SYNPO: variants seen among roughly 807,000 people sequenced by gnomAD.
SYNPO encodes the protein synaptopodin.
Under a neutral mutation model 49.5 loss-of-function variants are expected in SYNPO, and 19 were observed. The observed-to-expected ratio is 0.38, with a 90% CI of 0.27 to 0.56. The LOEUF (loss-of-function observed/expected upper bound fraction) is 0.56. Ranked by LOEUF, SYNPO falls within the 20% of genes least tolerant of loss-of-function variation. SYNPO has a pLI of 0.68. For missense variants in SYNPO, 1,131 were observed against 1,248.3 expected, an observed-to-expected ratio of 0.91 and a Z score of 1.42; for synonymous variants, 536 against 548.0, an observed-to-expected ratio of 0.98 and a Z score of 0.31.
At chr5:150,646,608 C>T (rs999850537) in intron 1 of SYNPO, among the ~76,000 whole-genome samples, 1 of 151,862 alleles carries the variant, frequency 6.6e-6, no homozygotes, top group African/African-American at 2.4e-5. Flanking sequence ...ATCTGTAGTC[C>T]CAGCTACTTG....
chr5:150,641,324 A>AG (rs1017719552), intron 1 of SYNPO, among the ~76,000 whole-genome samples: 1 of 152,104 alleles, frequency 6.6e-6, no homozygotes, highest in African/African-American at 2.4e-5. Flanking sequence ...TGACCTCACC[A>AG]GGGGGGCAGT....
chr5:150,648,268 G>A lies in SYNPO; in HGVS notation c.-8G>A, dbSNP rs770958059. ...CAGAGCCCCGACAGAGGGGTCCCTG[G>A]CCACAGCATGGAGGGGTACTCAGAG... On this transcript the variant is annotated 5_prime_UTR_variant, in exon 2 of 3. Coordinates refer to ENST00000307662, the MANE Select transcript of SYNPO (RefSeq NM_007286.6). This position sits in a 1 kb window ranked among gnomAD's most constrained non-coding sequence, Gnocchi z 5.0. 3.4e-5 allele frequency: 55 copies of A among 1,614,070 alleles called. 1 individual carries two copies. The highest frequency in any genetic ancestry group is 4.2e-5 in the Non-Finnish European group (50 of 1,180,026).
At chr5:150,637,358 C>G (rs2151395533), upstream of SYNPO, among the ~76,000 whole-genome samples, 1 of 152,312 alleles carries the variant, frequency 6.6e-6, no homozygotes, top group Middle Eastern at 3.4e-3. Context: ...TAATGGTACT[C>G]CCTAACTCAC....
intron 2 of SYNPO, among the ~76,000 whole-genome samples, chr5:150,631,296 CAG>C (rs891319258): frequency 1.3e-5 from 2 of 152,278 alleles, no homozygotes; most frequent in East Asian, 3.9e-4. Context: ...AGGGAAGAGG[CAG>C]AGAGTGTTGT....
chr5:150,633,046 G>A (rs954066830), intron 2 of SYNPO, among the ~76,000 whole-genome samples: 7 of 152,188 alleles, frequency 4.6e-5, no homozygotes, highest in African/African-American at 1.7e-4. Flanking sequence ...GTTAGGACTA[G>A]GAAAGAGCTG....
intron 2 of SYNPO, among the ~76,000 whole-genome samples, chr5:150,633,118 A>G (rs1203996321): frequency 5.9e-5 from 9 of 152,174 alleles, no homozygotes; most frequent in Admixed American, 3.3e-4. Context: ...CACATATTAC[A>G]TGCTGTAGGT....
chr5:150,651,893 G>A (rs1401227446), intron 2 of SYNPO: 6 of 1,000,376 alleles, frequency 6.0e-6, no homozygotes, highest in Non-Finnish European at 7.2e-6. Context: ...TTTGTGGGGG[G>A]TGAGAGAATA....
chr5:150,603,245 G>A (rs745909673), intron 1 of SYNPO, among the ~76,000 whole-genome samples: 20 of 152,256 alleles, frequency 1.3e-4, no homozygotes, highest in Non-Finnish European at 2.6e-4. Flanking sequence ...GTGGGTAGGC[G>A]AGAGGCCACC....
chr5:150,608,876 C>G (rs1004600109), intron 1 of SYNPO, among the ~76,000 whole-genome samples: 1 of 152,182 alleles, frequency 6.6e-6, no homozygotes, highest in Non-Finnish European at 1.5e-5. Context: ...GGCACCAGCT[C>G]CGGTAGCCCT....
chr5:150,651,361 T>G (rs1307674902), intron 2 of SYNPO: 1 of 1,000,356 alleles, frequency 1.0e-6, no homozygotes, highest in Non-Finnish European at 1.2e-6. Flanking sequence ...TGGGCCTCAG[T>G]TTTATCATTT....
chr5:150,632,585 T>C (rs1757576829), intron 2 of SYNPO, among the ~76,000 whole-genome samples: 1 of 152,164 alleles, frequency 6.6e-6, no homozygotes, highest in South Asian at 2.1e-4. Context: ...TGCCATCTGC[T>C]CACCCCCTGA....
Position 150,649,953 on chromosome 5 carries a change from A to C in SYNPO, c.1678A>C (p.Thr560Pro). The C allele has an allele frequency of 6.2e-7, 1 of 1,612,404 alleles. No homozygotes were observed. The highest frequency in any genetic ancestry group is 1.1e-5 in the South Asian group (1 of 91,066). Residue 560 changes from threonine (T) to proline (P), a missense_variant, in exon 2 of 3, where the codon ACC (threonine) becomes CCC (proline). This residue lies in a region of SYNPO where 602 missense variants were observed against 720.7 expected (regional missense o/e 0.84). Transcript: ENST00000307662. ...GAACGGGGTCCTGCGCCCAGAGCCC[A>C]CCAAGCAGCCGCCATACCAGCTGCG... The part of the protein sequence containing the change: ...PENGVLRPEP[T>P]KQPPYQLRPS...
upstream of SYNPO, among the ~76,000 whole-genome samples, chr5:150,597,400 C>T (rs992621768): frequency 1.3e-5 from 2 of 152,118 alleles, no homozygotes; most frequent in African/African-American, 2.4e-5. Flanking sequence ...GGTGCAATCT[C>T]GGCTCACCGC....
chr5:150,610,749 G>A (rs1756823408), intron 1 of SYNPO, among the ~76,000 whole-genome samples: 1 of 152,116 alleles, frequency 6.6e-6, no homozygotes, highest in South Asian at 2.1e-4. Flanking sequence ...TTACAGTGAG[G>A]AGATGCTCTA....
intron 1 of SYNPO, among the ~76,000 whole-genome samples, chr5:150,604,239 C>T (rs960844189): frequency 3.3e-5 from 5 of 152,158 alleles, no homozygotes; most frequent in Non-Finnish European, 5.9e-5. Context: ...GACCAGGGAG[C>T]GGGAGGTGGC....
At chr5:150,646,286 C>T (rs1425382887) in intron 1 of SYNPO, among the ~76,000 whole-genome samples, 2 of 152,064 alleles carry the variant, frequency 1.3e-5, no homozygotes, top group Non-Finnish European at 2.9e-5. Context: ...CTGCAGTGAG[C>T]TATGATGGTG....
Position 150,656,801 on chromosome 5 carries a change from G to T in SYNPO, c.2426G>T (p.Arg809Leu). 1.6e-6 allele frequency: 2 copies of T among 1,214,078 alleles called. No individual in the cohort carries two copies. The highest frequency in any genetic ancestry group is 2.2e-5 in the African/African-American group (1 of 46,026). The allele number at this position is 1,214,078 out of a possible 1,614,324, so 75.2% of individuals were successfully genotyped here. The change falls in exon 3 of 3, where the codon CGC (arginine) becomes CTC (leucine). Residue 809 changes from arginine to leucine, a missense_variant. By Grantham distance (102) the Arg-to-Leu change is moderately radical. Transcript: ENST00000307662. ...CGCATGCGCTCGCCACAGCCCGCCC[G>T]CCCCGGCTCGGCTGCTGTGCCGGGG... is the stretch of plus-strand genomic sequence containing the variant. ...PPRMRSPQPA[R>L]PGSAAVPGAA...
exon 1 of SYNPO, chr5:150,601,183 C>T (rs1756517552): frequency 1.3e-5 from 2 of 152,452 alleles, no homozygotes; most frequent in Admixed American, 1.3e-4. Context: ...TGGTGTCCGG[C>T]TACAGGTGAG....
intron 1 of SYNPO, among the ~76,000 whole-genome samples, chr5:150,602,999 T>TGTGG (rs1756588985): frequency 8.6e-6 from 1 of 116,502 alleles, no homozygotes; most frequent in African/African-American, 3.7e-5. Flanking sequence ...CACCTTAGGG[T>TGTGG]GTGTGTGTGT....
Sources: gnomAD v4.1 joint callset for allele counts (sites outside exome capture counted in the v4.1 genomes callset) on GRCh38, gnomAD v4.1.1 for gene constraint, gnomAD v4.1.1 regional missense constraint, Gnocchi (gnomAD v3.1) non-coding constraint, MANE v1.5 for transcripts, NCBI Gene and HGNC (gene_info 2026-07-23, HGNC 2026-07-21) for gene names.